U2SURP: variants seen among roughly 807,000 people sequenced by gnomAD.
The protein encoded by U2SURP is U2 snRNP-associated SURP motif-containing protein.
In U2SURP, 9 loss-of-function variants were observed where a neutral mutation model predicts 144.9. The observed-to-expected ratio is 0.06, with a 90% CI of 0.04 to 0.11. U2SURP has a LOEUF of 0.11. Ranked by LOEUF, U2SURP falls within the 10% of genes least tolerant of loss-of-function variation. The pLI, the probability that U2SURP is intolerant of heterozygous loss-of-function variation, is 1.00. For synonymous variants in U2SURP, 408 were observed against 396.8 expected (o/e 1.03, Z -0.33); for missense variants, 724 against 1,226.7 (o/e 0.59, Z 6.12).
intron 16 of U2SURP, among the ~76,000 whole-genome samples, chr3:143,031,920 T>C (rs1933522732): frequency 6.6e-6 from 1 of 152,320 alleles, no homozygotes; most frequent in East Asian, 1.9e-4. Flanking sequence ...ACTCAGCTCA[T>C]AGGCTAAATA....
At position 143,020,609 on chromosome 3, in the gene U2SURP, G is replaced by C; in HGVS notation, c.649G>C (p.Glu217Gln). 6.2e-7 allele frequency: 1 copy of C among 1,610,412 alleles called. No individual in the cohort carries two copies. Among genetic ancestry groups the C allele is most frequent in the South Asian group, 1.1e-5 (1 of 90,140 alleles). Residue 217 changes from glutamate to glutamine, a missense_variant, in exon 8 of 28, where the codon GAA becomes CAA. Coordinates refer to ENST00000473835, the MANE Select transcript of U2SURP (RefSeq NM_001080415.2). Reference protein sequence around the residue: ...FKEELKQIQEERDERHKTKGR... With the variant: ...FKEELKQIQEQRDERHKTKGR... ...AAATATTTTCAACAGAATTCAAGAG[G>C]AACGTGATGAGAGACATAAAACAAA...
chr3:143,016,318 A>T lies in U2SURP; in HGVS notation c.383A>T (p.Asp128Val), dbSNP rs1578122129. ...EEFLAAFEGS[D>V]GNKVKTFVRG... Reference sequence around the variant, plus strand: ...TTTCTTGCTGCTTTTGAAGGAAGTGATGGTAATAAAGTGAAAACATTTGTG... The same window carrying T: ...TTTCTTGCTGCTTTTGAAGGAAGTGTTGGTAATAAAGTGAAAACATTTGTG... Residue 128 changes from aspartate to valine, a missense_variant, in exon 5 of 28, where the codon GAT (aspartate) becomes GTT (valine). Asp to Val is a radical substitution (Grantham distance 152). Transcript: ENST00000473835. The T allele has an allele frequency of 6.2e-7, 1 of 1,613,400 alleles. No individual in the cohort carries two copies. The highest frequency in any genetic ancestry group is 1.1e-5 in the South Asian group (1 of 91,068).
chr3:143,028,667 A>G (rs753209720), intron 16 of U2SURP, 21 bp downstream of exon 16: 10 of 1,567,928 alleles, frequency 6.4e-6, no homozygotes, highest in African/African-American at 4.2e-5. Flanking sequence ...TTTCCTTTCT[A>G]TTATATATTC....
rs112082478 is a variant in U2SURP at position 143,044,255 on chromosome 3, T to C, written c.2544+979T>C. Among the ~76,000 whole-genome samples the C allele has an allele frequency of 1.3e-3, 198 of 150,352 alleles. 1 individual carries two copies. The highest frequency in any genetic ancestry group is 4.7e-3 in the African/African-American group (191 of 40,638). On this transcript the variant is annotated intron_variant, in intron 24 of 27. Coordinates refer to ENST00000473835, the MANE Select transcript of U2SURP (RefSeq NM_001080415.2). ...AGCCCAGACTATCTCAGGCAGACAT[T>C]TCCCTCCCTTTCCCTTTTCCCCTCT... is the stretch of plus-strand genomic sequence containing the variant.
intron 1 of U2SURP, among the ~76,000 whole-genome samples, chr3:143,010,336 T>A (rs1390262942): frequency 6.6e-6 from 1 of 152,256 alleles, no homozygotes; most frequent in African/African-American, 2.4e-5. Flanking sequence ...TAATATTTTC[T>A]GGAACTTTGC....
chr3:143,027,321 A>G (rs1933209746), intron 14 of U2SURP, 68 bp downstream of exon 14: 3 of 1,236,752 alleles, frequency 2.4e-6, no homozygotes, highest in South Asian at 1.3e-5. Flanking sequence ...ATTTTTAAGT[A>G]TACAGTTCAG....
Position 143,019,371 on chromosome 3 carries a change from C to T in U2SURP, c.571-598C>T, listed in dbSNP as rs140967308. 2.7e-4 allele frequency among the ~76,000 whole-genome samples: 41 copies of T among 152,168 alleles called. No individual in the cohort carries two copies. In the East Asian group the frequency reaches 3.9e-3, roughly 14 times the overall value. ...TAATTCAAGATTATGAATATTCATT[C>T]CTGTGGTTTTCTCCCAAAAGTGTTA... On this transcript the variant is annotated intron_variant, in intron 6 of 27. Coordinates refer to ENST00000473835, the MANE Select transcript of U2SURP (RefSeq NM_001080415.2).
At chr3:143,031,658 T>G (rs182884862) in intron 16 of U2SURP, among the ~76,000 whole-genome samples, 24 of 152,384 alleles carry the variant, frequency 1.6e-4, no homozygotes, top group Admixed American at 3.3e-4. Context: ...ACATAACTTT[T>G]ACATGCACTG....
Position 143,053,809 on chromosome 3 carries a change from A to G in U2SURP, c.2774+15A>G. The G allele has an allele frequency of 1.3e-6, 2 of 1,562,874 alleles. No individual in the cohort carries two copies. Among genetic ancestry groups the G allele is most frequent in the Non-Finnish European group, 1.7e-6 (2 of 1,158,290 alleles). On this transcript the variant is annotated intron_variant, in intron 26 of 27. Coordinates refer to ENST00000473835, the MANE Select transcript of U2SURP (RefSeq NM_001080415.2). ...AGGAAGGAAAGGTATAACATTTCTC[A>G]TATTTAATTGCATATACTGGTTTCA... is the stretch of plus-strand genomic sequence containing the variant.
intron 22 of U2SURP, 114 bp from the exon 23 acceptor site, chr3:143,038,779 TA>T: frequency 5.9e-6 from 4 of 676,810 alleles, no homozygotes; most frequent in Non-Finnish European, 9.6e-6. Flanking sequence ...AAACATAGAT[TA>T]AAAAAACTTC....
chr3:143,034,099 G>C (rs148192227), intron 18 of U2SURP, among the ~76,000 whole-genome samples: 2 of 152,250 alleles, frequency 1.3e-5, no homozygotes, highest in African/African-American at 2.4e-5. Flanking sequence ...TTACGTTGCT[G>C]TATTATAATT....
chr3:143,044,354 C>T (rs1934299794), intron 24 of U2SURP, among the ~76,000 whole-genome samples: 1 of 131,350 alleles, frequency 7.6e-6, no homozygotes, highest in African/African-American at 3.0e-5. Flanking sequence ...AATGGTGTGA[C>T]CATAGCTCAC....
At chr3:143,048,669 G>C (rs1261498648) in intron 24 of U2SURP, among the ~76,000 whole-genome samples, 2 of 152,172 alleles carry the variant, frequency 1.3e-5, no homozygotes, top group Non-Finnish European at 2.9e-5. Context: ...AGGCCGAGGT[G>C]GGCGGATCAC....
At chr3:143,042,632 G>GTAT (rs1359742659) in intron 23 of U2SURP, among the ~76,000 whole-genome samples, 1 of 151,948 alleles carries the variant, frequency 6.6e-6, no homozygotes, top group African/African-American at 2.4e-5. Flanking sequence ...GAAGTCCATT[G>GTAT]TATTATTCTT....
At chr3:143,028,034 C>T (rs1449868) in intron 14 of U2SURP, among the ~76,000 whole-genome samples, 106,539 of 152,000 alleles carry the variant, frequency 0.7, 37,900 homozygotes, top group African/African-American at 0.84. Flanking sequence ...TTTGTAATTA[C>T]ATATTGGGAA....
intron 6 of U2SURP, among the ~76,000 whole-genome samples, chr3:143,018,596 G>A (rs1936493813): frequency 6.6e-6 from 1 of 151,326 alleles, no homozygotes; most frequent in South Asian, 2.1e-4. Context: ...TGGAATTGCT[G>A]GGTCACATGG....
intron 23 of U2SURP, 143 bp downstream of exon 23, chr3:143,039,103 G>A: frequency 3.9e-6 from 2 of 512,000 alleles, no homozygotes; most frequent in Non-Finnish European, 6.6e-6. Flanking sequence ...TTCTCCATTG[G>A]TTTTCCAGTG....
chr3:143,032,177 A>G (rs918455818), intron 16 of U2SURP, among the ~76,000 whole-genome samples: 1 of 151,936 alleles, frequency 6.6e-6, no homozygotes, highest in African/African-American at 2.4e-5. Flanking sequence ...GGTTCAAGCA[A>G]TTCTTCTGCC....
chr3:143,045,650 T>TA (rs1287505264), intron 24 of U2SURP, among the ~76,000 whole-genome samples: 7 of 152,216 alleles, frequency 4.6e-5, no homozygotes, highest in Non-Finnish European at 1.0e-4. Context: ...ATTGCACACA[T>TA]ATATGCATAC....
Sources: allele counts gnomAD v4.1 joint callset (sites outside exome capture counted in the v4.1 genomes callset), GRCh38; gene constraint gnomAD v4.1.1; transcripts MANE v1.5; gene names NCBI Gene and HGNC (gene_info 2026-07-23, HGNC 2026-07-21).